Variants in TMEFF1 observed in about 807,000 individuals in gnomAD.
TMEFF1 encodes the protein transmembrane protein with EGF like and two follistatin like domains 1.
A neutral mutation model predicts 47.5 loss-of-function variants in TMEFF1; 20 were observed. The ratio of observed to expected loss-of-function variants is 0.42; its 90% CI spans 0.30 to 0.61. The LOEUF (loss-of-function observed/expected upper bound fraction) is 0.61, where lower values mean the gene tolerates loss of function less well. TMEFF1 is among the 20% of genes least tolerant of loss of function. The pLI, the probability that TMEFF1 is intolerant of heterozygous loss-of-function variation, is 0.19. For missense variants in TMEFF1, 411 were observed against 471.1 expected (o/e 0.87, Z 1.18); for synonymous variants, 162 against 166.3 (o/e 0.97, Z 0.20).
Position 100,473,525 on chromosome 9 carries a change from G to T in TMEFF1, c.-20G>T, listed in dbSNP as rs762205987. The T allele has an allele frequency of 2.3e-5, 32 of 1,407,430 alleles. No individual in the cohort carries two copies. In the Admixed American group the frequency reaches 4.0e-4, roughly 17 times the overall value. The allele number at this position is 1,407,430 out of a possible 1,614,324, so 87.2% of individuals were successfully genotyped here. A position where few individuals can be genotyped will look rare whatever the true frequency, so the allele number is the denominator to read the frequency against. ...CGGCCTGCGGCTCCCTGCGCTTCCC[G>T]CCGTCCAGGGGCACCAGTCATGGGC... On this transcript the variant is annotated 5_prime_UTR_variant, in exon 1 of 10. Coordinates refer to ENST00000374879, the MANE Select transcript of TMEFF1 (RefSeq NM_003692.5). The surrounding 1 kb of genome is among the most constrained non-coding windows in gnomAD (Gnocchi z 5.4).
At chr9:100,530,686 A>G (rs1397999773) in intron 5 of TMEFF1, among the ~76,000 whole-genome samples, 2 of 152,202 alleles carry the variant, frequency 1.3e-5, no homozygotes, top group Admixed American at 6.5e-5. Flanking sequence ...ATTCCTTCTG[A>G]AACTATTCCA....
chr9:100,508,387 A>G (rs376472637), intron 2 of TMEFF1, among the ~76,000 whole-genome samples: 211 of 152,114 alleles, frequency 1.4e-3, no homozygotes, highest in African/African-American at 4.8e-3. Flanking sequence ...GGCTCAGTTC[A>G]TATTCCACTT....
intron 5 of TMEFF1, among the ~76,000 whole-genome samples, chr9:100,520,136 G>GT (rs1047537849): frequency 6.6e-6 from 1 of 152,114 alleles, no homozygotes; most frequent in Admixed American, 6.6e-5. Context: ...TTTTTTAGGT[G>GT]TAAGTATTCA....
At chr9:100,519,647 C>CT (rs60569330) in intron 5 of TMEFF1, among the ~76,000 whole-genome samples, 22,755 of 64,608 alleles carry the variant, frequency 0.35, 6,465 homozygotes, top group East Asian at 0.6. Flanking sequence ...TGCCCAGTGA[C>CT]TTTTTTTTTT....
At chr9:100,573,227 G>A (rs1332750466) in intron 9 of TMEFF1, among the ~76,000 whole-genome samples, 1 of 152,080 alleles carries the variant, frequency 6.6e-6, no homozygotes, top group Non-Finnish European at 1.5e-5. Context: ...CCCTAAGAAC[G>A]TACTTTACTC....
intron 2 of TMEFF1, among the ~76,000 whole-genome samples, chr9:100,508,081 G>A (rs1837893375): frequency 6.6e-6 from 1 of 152,150 alleles, no homozygotes; most frequent in African/African-American, 2.4e-5. Flanking sequence ...AACCCTGATT[G>A]CTAGTGAAGA....
At chr9:100,511,345 T>C (rs1837961740) in intron 3 of TMEFF1, among the ~76,000 whole-genome samples, 1 of 152,194 alleles carries the variant, frequency 6.6e-6, no homozygotes, top group Non-Finnish European at 1.5e-5. Flanking sequence ...GTGCTAGGGT[T>C]ACAAGACCTC....
intron 1 of TMEFF1, among the ~76,000 whole-genome samples, chr9:100,491,425 C>T (rs1837550035): frequency 6.6e-6 from 1 of 152,130 alleles, no homozygotes; most frequent in Admixed American, 6.5e-5. Flanking sequence ...TGAACATATT[C>T]TGTGGGGAGT....
intron 5 of TMEFF1, among the ~76,000 whole-genome samples, chr9:100,520,172 G>T (rs997474129): frequency 6.6e-6 from 1 of 152,108 alleles, no homozygotes; most frequent in Non-Finnish European, 1.5e-5. Context: ...TATGCCAGCT[G>T]TGGTGGCTTA....
chr9:100,488,524 G>C lies in TMEFF1; in HGVS notation c.197-10241G>C, dbSNP rs992797848. ...GTGCCACTATGTACTTCCACAGTTGGTTTGAGTGCTCATTTTTCTATACTT... is the reference window on the plus strand; with the variant it reads ...GTGCCACTATGTACTTCCACAGTTGCTTTGAGTGCTCATTTTTCTATACTT... On this transcript the variant is annotated intron_variant, in intron 1 of 9. Transcript: ENST00000374879. Among the ~76,000 whole-genome samples the C allele has an allele frequency of 8.5e-5, 13 of 152,296 alleles. No individual in the cohort carries two copies. In the South Asian group the frequency reaches 2.3e-3, roughly 27 times the overall value.
intron 5 of TMEFF1, chr9:100,518,345 C>A: frequency 1.4e-6 from 1 of 691,606 alleles, no homozygotes; most frequent in African/African-American, 1.9e-5. Flanking sequence ...CCAATCAGAG[C>A]AACTCTGTTG....
At chr9:100,550,644 C>CCTCT (rs772664356) in intron 7 of TMEFF1, among the ~76,000 whole-genome samples, 3 of 152,162 alleles carry the variant, frequency 2.0e-5, no homozygotes, top group Non-Finnish European at 4.4e-5. Flanking sequence ...AGATGCCTTT[C>CCTCT]CTGTATACTC....
At chr9:100,536,680 C>T (rs188224608) in intron 5 of TMEFF1, among the ~76,000 whole-genome samples, 1 of 152,240 alleles carries the variant, frequency 6.6e-6, no homozygotes, top group Non-Finnish European at 1.5e-5. Context: ...CTAAATCTAA[C>T]CTCTTTTTCT....
intron 2 of TMEFF1, among the ~76,000 whole-genome samples, chr9:100,501,497 G>A (rs1837758908): frequency 6.6e-6 from 1 of 151,344 alleles, no homozygotes; most frequent in Admixed American, 6.6e-5. Context: ...ATGTTGATTT[G>A]TAAAGACATG....
chr9:100,522,430 C>CTTCT lies in TMEFF1; in HGVS notation c.560+5661_560+5662insCTTT, dbSNP rs1838178870. ...AGGTTCCTTTATCCAGAAATATCTT[C>CTTCT]TTTTTTTTTTTTTTTTTTTTTTTTT... On this transcript the variant is annotated intron_variant, in intron 5 of 9. Transcript: ENST00000374879. Among the ~76,000 whole-genome samples the CTTCT allele has an allele frequency of 4.3e-5, 3 of 69,650 alleles. No homozygotes were observed. The Admixed American group carries it at 6.8e-4, about 16-fold the overall frequency. The allele number at this position is 69,650 out of a possible 152,430, so 45.7% of individuals were successfully genotyped here.
chr9:100,493,265 C>T (rs1355519399), intron 1 of TMEFF1, among the ~76,000 whole-genome samples: 1 of 152,146 alleles, frequency 6.6e-6, no homozygotes, highest in Non-Finnish European at 1.5e-5. Context: ...GACTGAGAAA[C>T]CCTGAGTTCT....
intron 7 of TMEFF1, among the ~76,000 whole-genome samples, chr9:100,556,877 G>A (rs150048876): frequency 2.6e-5 from 4 of 151,948 alleles, no homozygotes; most frequent in African/African-American, 7.2e-5. Context: ...ACACAGTCTC[G>A]CTCTGTCACC....
intron 5 of TMEFF1, among the ~76,000 whole-genome samples, chr9:100,530,853 A>G (rs939536714): frequency 6.6e-6 from 1 of 152,074 alleles, no homozygotes; most frequent in African/African-American, 2.4e-5. Context: ...TACTGGCAAA[A>G]CGAATCCAGC....
chr9:100,486,692 G>A lies in TMEFF1; in HGVS notation c.197-12073G>A, dbSNP rs1837456377. Among the ~76,000 whole-genome samples, 3 of 152,084 alleles carry A rather than the reference G, an allele frequency of 2.0e-5. No homozygotes were observed. In the South Asian group the frequency reaches 6.2e-4, roughly 31 times the overall value. On this transcript the variant is annotated intron_variant, in intron 1 of 9. Coordinates refer to ENST00000374879, the MANE Select transcript of TMEFF1 (RefSeq NM_003692.5). The stretch of plus-strand genomic sequence containing the variant: ...CCTCTGTTGTCAAAGCTGGAGTGCA[G>A]TGGCATGATGGCTTACTGCAGCCTT...
Sources: allele counts gnomAD v4.1 joint callset (sites outside exome capture counted in the v4.1 genomes callset), GRCh38; gene constraint gnomAD v4.1.1; non-coding constraint Gnocchi (gnomAD v3.1); transcripts MANE v1.5; gene names NCBI Gene and HGNC (gene_info 2026-07-23, HGNC 2026-07-21).